ADAMTSL3: variants seen among roughly 807,000 people sequenced by gnomAD.
The protein encoded by ADAMTSL3 is ADAMTS like 3.
ADAMTSL3 carries 128 observed loss-of-function variants against 201.7 expected under a neutral mutation model. The ratio of observed to expected loss-of-function variants is 0.63; its 90% confidence interval spans 0.55 to 0.73. The LOEUF (loss-of-function observed/expected upper bound fraction) is 0.73, where lower values mean the gene tolerates loss of function less well. Among genes scored for constraint, ADAMTSL3 ranks in the 30% least tolerant of loss-of-function variants. The pLI is 0.00. For synonymous variants in ADAMTSL3, 738 were observed against 748.4 expected, an observed-to-expected ratio of 0.99 and a Z score of 0.23; for missense variants, 1,990 against 2,119.6, an observed-to-expected ratio of 0.94 and a Z score of 1.20.
rs147771045 is a variant in ADAMTSL3, at chr15:83,903,471, C to A, written c.1700+3740C>A. Among the ~76,000 whole-genome samples, 275 of 152,180 alleles carry A rather than the reference C, an allele frequency of 1.8e-3. 1 individual carries two copies. Among genetic ancestry groups the A allele is most frequent in the Non-Finnish European group, 3.4e-3 (232 of 67,998 alleles). Reference sequence around the variant, plus strand: ...ACTCTAGTAACCTCTATTCTATTTTCTGTCTCTCTTTCATTCACCAGCATT... The same window carrying A: ...ACTCTAGTAACCTCTATTCTATTTTATGTCTCTCTTTCATTCACCAGCATT... On this transcript the variant is annotated intron_variant, in intron 15 of 29. Transcript: ENST00000286744.
At chr15:83,792,526 G>A (rs2063359583) in intron 4 of ADAMTSL3, among the ~76,000 whole-genome samples, 1 of 152,202 alleles carries the variant, frequency 6.6e-6, no homozygotes, top group South Asian at 2.1e-4. Flanking sequence ...GCTTATGCCT[G>A]TAATCCCAGC....
chr15:83,941,751 C>T (rs867728314), intron 17 of ADAMTSL3, among the ~76,000 whole-genome samples: 6 of 152,210 alleles, frequency 3.9e-5, no homozygotes, highest in Non-Finnish European at 7.3e-5. Flanking sequence ...TGTTATTACA[C>T]ACTACCCTGG....
At chr15:83,902,731 TG>T (rs2065751070) in intron 15 of ADAMTSL3, among the ~76,000 whole-genome samples, 1 of 152,156 alleles carries the variant, frequency 6.6e-6, no homozygotes. Context: ...TTGAGTGGGA[TG>T]CTCCAGCCAC....
intron 3 of ADAMTSL3, among the ~76,000 whole-genome samples, chr15:83,751,333 A>G (rs2062633588): frequency 6.6e-6 from 1 of 152,192 alleles, no homozygotes; most frequent in South Asian, 2.1e-4. Flanking sequence ...GACTTAACCA[A>G]GTGTTGGAGG....
chr15:83,722,399 G>T (rs1407970409), intron 3 of ADAMTSL3, among the ~76,000 whole-genome samples: 1 of 152,146 alleles, frequency 6.6e-6, no homozygotes, highest in African/African-American at 2.4e-5. Context: ...AAAATTCAAA[G>T]CTGTCATTAA....
intron 8 of ADAMTSL3, among the ~76,000 whole-genome samples, chr15:83,864,962 A>C (rs2064943868): frequency 6.6e-6 from 1 of 152,202 alleles, no homozygotes; most frequent in African/African-American, 2.4e-5. Context: ...ATTCTTATAC[A>C]CCAATAACAG....
At chr15:83,685,843 A>G (rs1207697049) in intron 2 of ADAMTSL3, among the ~76,000 whole-genome samples, 1 of 152,190 alleles carries the variant, frequency 6.6e-6, no homozygotes, top group Non-Finnish European at 1.5e-5. Context: ...TAGTCATTTA[A>G]TAAGGTAGCT....
At chr15:83,819,010 C>T (rs896749491) in intron 5 of ADAMTSL3, among the ~76,000 whole-genome samples, 2 of 152,240 alleles carry the variant, frequency 1.3e-5, no homozygotes, top group South Asian at 2.1e-4. Flanking sequence ...CTGTGGCTCA[C>T]GCCTTTAATC....
chr15:84,001,404 T>G (rs973807148), intron 23 of ADAMTSL3, among the ~76,000 whole-genome samples: 3 of 152,232 alleles, frequency 2.0e-5, no homozygotes, highest in Non-Finnish European at 4.4e-5. Context: ...TAATGTGTAT[T>G]GGCTTCAACA....
chr15:83,754,794 T>C (rs2062692645), intron 3 of ADAMTSL3, among the ~76,000 whole-genome samples: 1 of 152,188 alleles, frequency 6.6e-6, no homozygotes, highest in Admixed American at 6.5e-5. Context: ...ATTTGCTAAA[T>C]TGAGATGAAT....
chr15:83,991,478 A>C (rs937349383), intron 23 of ADAMTSL3, among the ~76,000 whole-genome samples: 1 of 152,230 alleles, frequency 6.6e-6, no homozygotes, highest in African/African-American at 2.4e-5. Flanking sequence ...TGGAATGTTC[A>C]TATTGGCAAG....
At chr15:83,826,030 T>A (rs1332683684) in intron 6 of ADAMTSL3, among the ~76,000 whole-genome samples, 1 of 152,106 alleles carries the variant, frequency 6.6e-6, no homozygotes, top group Non-Finnish European at 1.5e-5. Flanking sequence ...CAGTAGAAGG[T>A]CAAGTATGGG....
chr15:83,664,554 C>T (rs770570478), intron 2 of ADAMTSL3, among the ~76,000 whole-genome samples: 2 of 152,188 alleles, frequency 1.3e-5, no homozygotes, highest in Non-Finnish European at 2.9e-5. Flanking sequence ...TGCCCTGTAC[C>T]CATTCAGCCA....
intron 5 of ADAMTSL3, among the ~76,000 whole-genome samples, chr15:83,819,324 A>T (rs2063820741): frequency 6.6e-6 from 1 of 151,862 alleles, no homozygotes; most frequent in Non-Finnish European, 1.5e-5. Context: ...AGAGCACAGC[A>T]GTTTTGGGCT....
At chr15:83,770,463 C>A (rs1255564560) in intron 3 of ADAMTSL3, among the ~76,000 whole-genome samples, 1 of 152,156 alleles carries the variant, frequency 6.6e-6, no homozygotes, top group Non-Finnish European at 1.5e-5. Flanking sequence ...CATACGCGTT[C>A]TTTTACTGGT....
chr15:83,842,553 C>T (rs933499913), intron 7 of ADAMTSL3, among the ~76,000 whole-genome samples: 2 of 152,150 alleles, frequency 1.3e-5, no homozygotes, highest in African/African-American at 4.8e-5. Context: ...GGAACTTTGC[C>T]CCTTTCAATA....
intron 19 of ADAMTSL3, among the ~76,000 whole-genome samples, chr15:83,968,967 C>T (rs926740332): frequency 4.0e-5 from 6 of 151,770 alleles, no homozygotes; most frequent in African/African-American, 9.7e-5. Flanking sequence ...AACACATGGA[C>T]GCAGGAAGGG....
chr15:83,702,470 A>G (rs1412585574), intron 2 of ADAMTSL3, among the ~76,000 whole-genome samples: 2 of 152,188 alleles, frequency 1.3e-5, no homozygotes, highest in African/African-American at 2.4e-5. Context: ...TGGAGGCCCA[A>G]GAGGAAAAAG....
intron 16 of ADAMTSL3, among the ~76,000 whole-genome samples, chr15:83,923,249 G>A (rs1322531242): frequency 6.6e-6 from 1 of 152,060 alleles, no homozygotes; most frequent in Non-Finnish European, 1.5e-5. Flanking sequence ...CTAGACCTCA[G>A]TTTCCTTAGT....
Sources: allele counts gnomAD v4.1 joint callset (sites outside exome capture counted in the v4.1 genomes callset), GRCh38; gene constraint gnomAD v4.1.1; transcripts MANE v1.5; gene names NCBI Gene and HGNC (gene_info 2026-07-23, HGNC 2026-07-21).